PDAP1: variants seen among roughly 807,000 people sequenced by gnomAD.
PDAP1 encodes the protein 28 kDa heat- and acid-stable phosphoprotein.
PDAP1 carries 13 observed loss-of-function variants against 28.0 expected under a neutral mutation model. The observed-to-expected ratio is 0.46, with a 90% CI of 0.30 to 0.74. The LOEUF is 0.74. PDAP1 is among the 30% of genes least tolerant of loss of function. The pLI is 0.07. For synonymous variants in PDAP1, 77 were observed against 85.1 expected (o/e 0.91, Z 0.52); for missense variants, 150 against 230.0 (o/e 0.65, Z 2.25).
At chr7:99,399,475 C>T (rs1332001235) in intron 4 of PDAP1, among the ~76,000 whole-genome samples, 1 of 150,786 alleles carries the variant, frequency 6.6e-6, no homozygotes, top group African/African-American at 2.4e-5. Context: ...CAGAAAGGCA[C>T]AGCCTTATCG....
chr7:99,408,596 C>A lies in PDAP1; in HGVS notation c.-48G>T, dbSNP rs1376798690. The A allele has an allele frequency of 2.1e-5, 26 of 1,251,574 alleles. No individual in the cohort carries two copies. Among genetic ancestry groups the A allele is most frequent in the Admixed American group, 4.2e-5 (1 of 23,718 alleles). 77.5% of individuals were successfully genotyped at this position (1,251,574 alleles called of 1,614,324 possible). A position where few individuals can be genotyped will look rare whatever the true frequency, so the allele number is the denominator to read the frequency against. ...GCGGCGGCGGCGCCTCGAACTGACA[C>A]CGGAACCGGAAATAGCTTGGGCTCG... On this transcript the variant is annotated 5_prime_UTR_variant, in exon 1 of 6. Coordinates refer to ENST00000350498, the MANE Select transcript of PDAP1 (RefSeq NM_014891.7).
intron 2 of PDAP1, among the ~76,000 whole-genome samples, chr7:99,404,460 G>A (rs749137268): frequency 3.9e-5 from 6 of 152,118 alleles, no homozygotes; most frequent in Non-Finnish European, 7.4e-5. Flanking sequence ...GCTGATGCTG[G>A]GGGTGTGGGA....
chr7:99,406,544 A>G, intron 1 of PDAP1: 1 of 983,094 alleles, frequency 1.0e-6, no homozygotes, highest in South Asian at 4.7e-5. Flanking sequence ...CTAGCAGTTA[A>G]AGTGTCAGTT....
At chr7:99,407,982 C>T (rs1795015960) in intron 1 of PDAP1, among the ~76,000 whole-genome samples, 1 of 152,202 alleles carries the variant, frequency 6.6e-6, no homozygotes, top group Non-Finnish European at 1.5e-5. Context: ...GAGGTAGGTA[C>T]AATCGTTATT....
At chr7:99,400,512 G>T in intron 3 of PDAP1, 88 bp from the exon 4 acceptor site, 1 of 1,501,082 alleles carries the variant, frequency 6.7e-7, no homozygotes, top group South Asian at 1.2e-5. Flanking sequence ...CAGCCCATCT[G>T]GATGAGGACA....
In PDAP1 at chr7:99,394,692, T is replaced by C; in HGVS notation, c.*1990A>G. On this transcript the variant is annotated 3_prime_UTR_variant, in exon 6 of 6. Transcript: ENST00000350498. ...CGTGCCTTTTTCTTAAATGCTTTCA[T>C]TTATTGAAAAAAAAAAAAAATGCCC... 7.7e-7 allele frequency: 1 copy of C among 1,295,070 alleles called. No homozygotes were observed. Among genetic ancestry groups the C allele is most frequent in the Non-Finnish European group, 9.6e-7 (1 of 1,039,050 alleles). The allele number at this position is 1,295,070 out of a possible 1,614,324, so 80.2% of individuals were successfully genotyped here. A position where few individuals can be genotyped will look rare whatever the true frequency, so the allele number is the denominator to read the frequency against.
chr7:99,401,894 A>T (rs1287660207), intron 3 of PDAP1, among the ~76,000 whole-genome samples: 1 of 151,612 alleles, frequency 6.6e-6, no homozygotes, highest in Non-Finnish European at 1.5e-5. Context: ...ACGGGGTTTC[A>T]CTGTGTTAGC....
intron 3 of PDAP1, among the ~76,000 whole-genome samples, chr7:99,401,662 A>G (rs1406582902): frequency 6.7e-6 from 1 of 148,586 alleles, no homozygotes; most frequent in Admixed American, 6.7e-5. Context: ...TACTCTCAAC[A>G]TCCTATCATT....
In PDAP1 at chr7:99,407,392, A is replaced by G. The variant is rs575746057; in HGVS notation, c.13+1144T>C. Among the ~76,000 whole-genome samples, 4 of 152,322 alleles carry G rather than the reference A, an allele frequency of 2.6e-5. 1 individual carries two copies. Among genetic ancestry groups the G allele is most frequent in the Admixed American group, 1.3e-4 (2 of 15,306 alleles). On this transcript the variant is annotated intron_variant, in intron 1 of 5. Coordinates refer to ENST00000350498, the MANE Select transcript of PDAP1 (RefSeq NM_014891.7). ...CTTTTACAGATGAAGGGACTGGGGAACAATAGCAGAGAGACTTTTCCAGCC... is the reference window on the plus strand; with the variant it reads ...CTTTTACAGATGAAGGGACTGGGGAGCAATAGCAGAGAGACTTTTCCAGCC...
intron 3 of PDAP1, among the ~76,000 whole-genome samples, chr7:99,402,515 G>A (rs1018576605): frequency 2.0e-5 from 3 of 148,656 alleles, no homozygotes; most frequent in African/African-American, 5.0e-5. Context: ...CTGAGGCTGC[G>A]GTGCTTCACT....
chr7:99,404,068 A>C (rs947316410), intron 2 of PDAP1, among the ~76,000 whole-genome samples: 2 of 152,192 alleles, frequency 1.3e-5, no homozygotes, highest in Middle Eastern at 3.4e-3. Flanking sequence ...AATGTCCCTT[A>C]TAGGAACCTC....
At chr7:99,407,449 A>T (rs1794998523) in intron 1 of PDAP1, among the ~76,000 whole-genome samples, 1 of 152,194 alleles carries the variant, frequency 6.6e-6, no homozygotes, top group South Asian at 2.1e-4. Context: ...CTAGGTTTAA[A>T]CACATTTAGC....
rs745786652 is a variant in PDAP1 at position 99,396,731 on chromosome 7, T to C, written c.497A>G (p.Asp166Gly). 1 of 1,612,194 alleles carries C rather than the reference T, an allele frequency of 6.2e-7. No homozygotes were observed. Among genetic ancestry groups the C allele is most frequent in the African/African-American group, 1.3e-5 (1 of 74,968 alleles). The change falls in exon 6 of 6, where the codon GAT (aspartate) becomes GGT (glycine). Residue 166 changes from aspartate (D) to glycine (G), a missense_variant. Asp to Gly is a moderately conservative substitution (Grantham distance 94, BLOSUM62 -1). Transcript: ENST00000350498. ...CATTCGTTTTCCTGACAATGTGGCATCGTCTTTTGCTGAGGGGTGGGAGAA... is the reference window on the plus strand; with the variant it reads ...CATTCGTTTTCCTGACAATGTGGCACCGTCTTTTGCTGAGGGGTGGGAGAA... ...KKEEERKAKD[D>G]ATLSGKRMQS... is the part of the protein sequence containing the mutation.
At chr7:99,397,672 C>T (rs898956297) in intron 5 of PDAP1, among the ~76,000 whole-genome samples, 190 bp downstream of exon 5, 5 of 152,216 alleles carry the variant, frequency 3.3e-5, no homozygotes, top group South Asian at 2.1e-4. Flanking sequence ...CCCATGATGT[C>T]GCTGGACCCT....
At chr7:99,403,294 G>A in intron 3 of PDAP1, 104 bp downstream of exon 3, 1 of 716,970 alleles carries the variant, frequency 1.4e-6, no homozygotes, top group South Asian at 1.6e-5. Flanking sequence ...CAAGAGCAAG[G>A]ACGTTGTCTG....
At chr7:99,402,896 AG>A (rs869096111) in intron 3 of PDAP1, among the ~76,000 whole-genome samples, 1,821 of 120,040 alleles carry the variant, frequency 0.015, 44 homozygotes, top group African/African-American at 0.075. Flanking sequence ...AAAAAAAAAA[AG>A]AAAAGAAAAG....
chr7:99,408,424 G>T (rs1795029705), intron 1 of PDAP1, 112 bp downstream of exon 1: 2 of 1,004,170 alleles, frequency 2.0e-6, no homozygotes, highest in Non-Finnish European at 2.6e-6. Context: ...CAGCCGGTGC[G>T]GACAGCCTCC....
At chr7:99,399,590 G>C (rs113828010) in intron 4 of PDAP1, among the ~76,000 whole-genome samples, 9 of 152,332 alleles carry the variant, frequency 5.9e-5, no homozygotes, top group African/African-American at 1.9e-4. Flanking sequence ...GGGGACAGAA[G>C]GGTCCTTAGC....
intron 5 of PDAP1, 46 bp from the exon 6 acceptor site, chr7:99,396,786 AC>A (rs1160990714): frequency 7.3e-7 from 1 of 1,376,562 alleles, no homozygotes; most frequent in East Asian, 2.6e-5. Flanking sequence ...GCAACCCCCC[AC>A]CCCCTCCCAA....
Sources: allele counts gnomAD v4.1 joint callset (sites outside exome capture counted in the v4.1 genomes callset), GRCh38; gene constraint gnomAD v4.1.1; transcripts MANE v1.5; gene names NCBI Gene and HGNC (gene_info 2026-07-23, HGNC 2026-07-21).